Variants in ACVR1C observed in about 807,000 individuals in gnomAD.
The protein encoded by ACVR1C is activin receptor type-1C.
Under a neutral mutation model 57.9 loss-of-function variants are expected in ACVR1C, and 23 were observed. The observed-to-expected ratio is 0.40, with a 90% CI of 0.29 to 0.56. ACVR1C has a LOEUF of 0.56. ACVR1C is among the 20% of genes least tolerant of loss of function. The pLI, the probability that ACVR1C is intolerant of heterozygous loss-of-function variation, is 0.50. For missense variants in ACVR1C, 480 were observed against 607.9 expected, an observed-to-expected ratio of 0.79 and a Z score of 2.21; for synonymous variants, 214 against 215.3, an observed-to-expected ratio of 0.99 and a Z score of 0.05.
At chr2:157,542,905 AG>A in intron 5 of ACVR1C, 43 bp from the exon 6 acceptor site, 1 of 1,578,786 alleles carries the variant, frequency 6.3e-7, no homozygotes, top group South Asian at 1.2e-5. Context: ...TCTTTACCGG[AG>A]ACTGTTCAAG....
At chr2:157,550,042 A>G in intron 4 of ACVR1C, 120 bp downstream of exon 4, 1 of 855,360 alleles carries the variant, frequency 1.2e-6, no homozygotes, top group Non-Finnish European at 1.7e-6. Flanking sequence ...AGGAAAAAAA[A>G]AAAAAGAAGA....
Position 157,538,597 on chromosome 2 carries a change from G to A in ACVR1C, c.1332C>T (p.Ile444=). Residue 444 remains isoleucine (I), a synonymous_variant, in exon 8 of 9, where the codon ATC becomes ATT. Coordinates refer to ENST00000243349, the MANE Select transcript of ACVR1C (RefSeq NM_145259.3). ...CTTCACAACTTTGCCACTGGTTTGGGATACTTGGTCGAAACTTCTGGTCAC... is the reference window on the plus strand; with the variant it reads ...CTTCACAACTTTGCCACTGGTTTGGAATACTTGGTCGAAACTTCTGGTCAC... ...VVCDQKFRPS[I]PNQWQSCEAL... The A allele has an allele frequency of 6.3e-7, 1 of 1,577,734 alleles. No individual in the cohort carries two copies. The highest frequency in any genetic ancestry group is 8.6e-7 in the Non-Finnish European group (1 of 1,162,950).
At chr2:157,534,740 A>G (rs1238973729) in intron 8 of ACVR1C, among the ~76,000 whole-genome samples, 1 of 152,174 alleles carries the variant, frequency 6.6e-6, no homozygotes, top group Non-Finnish European at 1.5e-5. Context: ...CCAGAGAAAT[A>G]CAGGAAAACG....
In ACVR1C at chr2:157,533,618, A is replaced by G. The variant is rs538825166; in HGVS notation, c.*300T>C. ...CAAGTAAAATAAAAACTTAATGACT[A>G]TAACATTTTTATAGAGCTTATTTTA... On this transcript the variant is annotated 3_prime_UTR_variant, in exon 9 of 9. Coordinates refer to ENST00000243349, the MANE Select transcript of ACVR1C (RefSeq NM_145259.3). 49 of 171,644 alleles carry G rather than the reference A, an allele frequency of 2.9e-4. No homozygotes were observed. Among genetic ancestry groups the G allele is most frequent in the Non-Finnish European group, 5.4e-4 (44 of 81,080 alleles). The allele number at this position is 171,644 out of a possible 1,614,324, so 10.6% of individuals were successfully genotyped here.
rs1687306524 is a variant in ACVR1C, at chr2:157,529,353, C to T, written c.*4565G>A. 1 of 152,082 alleles carries T rather than the reference C, an allele frequency of 6.6e-6. No individual in the cohort carries two copies. The highest frequency in any genetic ancestry group is 1.9e-4 in the East Asian group (1 of 5,200). The allele number at this position is 152,082 out of a possible 1,614,324, so 9.4% of individuals were successfully genotyped here. A position where few individuals can be genotyped will look rare whatever the true frequency, so the allele number is the denominator to read the frequency against. On this transcript the variant is annotated 3_prime_UTR_variant, in exon 9 of 9. Transcript: ENST00000243349. ...TCTTTCTTAGCCTAGTTTAGTTTTT[C>T]TCATTGACCTCACTCTGAGTGAGTA...
At chr2:157,547,530 T>C (rs1193236045) in intron 4 of ACVR1C, among the ~76,000 whole-genome samples, 20 of 141,824 alleles carry the variant, frequency 1.4e-4, no homozygotes, top group African/African-American at 5.3e-4. Flanking sequence ...TGAGATGGTA[T>C]CTCATTGTGG....
At chr2:157,600,899 C>T (rs1239280121) in intron 1 of ACVR1C, among the ~76,000 whole-genome samples, 1 of 152,170 alleles carries the variant, frequency 6.6e-6, no homozygotes, top group Non-Finnish European at 1.5e-5. Flanking sequence ...GCATCACCTA[C>T]CCCTCCCTTC....
chr2:157,581,755 T>A (rs2105251381), intron 2 of ACVR1C, among the ~76,000 whole-genome samples: 1 of 152,344 alleles, frequency 6.6e-6, no homozygotes, highest in South Asian at 2.1e-4. Context: ...TTGTCCGGCC[T>A]CTTCTGGTCA....
At chr2:157,564,215 A>G (rs1039346434) in intron 2 of ACVR1C, among the ~76,000 whole-genome samples, 3 of 152,236 alleles carry the variant, frequency 2.0e-5, no homozygotes, top group African/African-American at 7.2e-5. Context: ...CAATCTACCC[A>G]TTAGACAAAG....
rs549035489 is a variant in ACVR1C, at chr2:157,551,090, AT to A, written c.545-699del. On this transcript the variant is annotated intron_variant, in intron 3 of 8. Coordinates refer to ENST00000243349, the MANE Select transcript of ACVR1C (RefSeq NM_145259.3). ...TTTATGTCAAGATGTTTAATATCTT[AT>A]TATTATTTATAGGAATAAAATAAGT... Among the ~76,000 whole-genome samples, 35 of 152,324 alleles carry A rather than the reference AT, an allele frequency of 2.3e-4. 1 individual carries two copies. The South Asian group carries it at 6.2e-3, about 27-fold the overall frequency.
chr2:157,600,755 A>G (rs1334051577), intron 1 of ACVR1C, among the ~76,000 whole-genome samples: 1 of 152,246 alleles, frequency 6.6e-6, no homozygotes, highest in East Asian at 1.9e-4. Context: ...GAGAAGGACA[A>G]GTGATTTGGA....
At chr2:157,538,805 A>G in intron 7 of ACVR1C, 102 bp from the exon 8 acceptor site, 1 of 965,204 alleles carries the variant, frequency 1.0e-6, no homozygotes, top group Non-Finnish European at 1.4e-6. Context: ...GTGACACCCC[A>G]GGGAACTGGA....
chr2:157,624,769 T>C (rs1682864119), intron 1 of ACVR1C, among the ~76,000 whole-genome samples: 1 of 152,260 alleles, frequency 6.6e-6, no homozygotes, highest in Non-Finnish European at 1.5e-5. Context: ...CTTCTCTTTT[T>C]AATAAAAGAG....
intron 8 of ACVR1C, among the ~76,000 whole-genome samples, chr2:157,535,322 G>A (rs887414378): frequency 1.3e-5 from 2 of 151,846 alleles, no homozygotes; most frequent in Non-Finnish European, 2.9e-5. Flanking sequence ...AGCTCATAAT[G>A]AAAATTCACA....
intron 1 of ACVR1C, among the ~76,000 whole-genome samples, chr2:157,607,123 A>G (rs1045312160): frequency 1.3e-5 from 2 of 151,938 alleles, no homozygotes; most frequent in Non-Finnish European, 2.9e-5. Flanking sequence ...AGTTGGCTGT[A>G]AATACGTAGA....
intron 3 of ACVR1C, among the ~76,000 whole-genome samples, chr2:157,554,283 G>GGAAGGAAGGAAGGAAGGA (rs1339528061): frequency 5.5e-5 from 6 of 109,932 alleles, no homozygotes; most frequent in African/African-American, 2.8e-4. Context: ...AAGGAAGGAA[G>GGAAGGAAGGAAGGAAGGA]AGAGAGAGAG....
In ACVR1C at chr2:157,599,978, A is replaced by G. The variant is rs542477528; in HGVS notation, c.74-12561T>C. ...GTTCAACTGATCTGTTTAAGAAAGAATTCAATTAGATGATCTCTAATGTGC... is the reference window on the plus strand; with the variant it reads ...GTTCAACTGATCTGTTTAAGAAAGAGTTCAATTAGATGATCTCTAATGTGC... On this transcript the variant is annotated intron_variant, in intron 1 of 8. Coordinates refer to ENST00000243349, the MANE Select transcript of ACVR1C (RefSeq NM_145259.3). Among the ~76,000 whole-genome samples, 3 of 152,338 alleles carry G rather than the reference A, an allele frequency of 2.0e-5. No individual in the cohort carries two copies. The South Asian group carries it at 6.2e-4, about 32-fold the overall frequency.
chr2:157,562,413 T>C (rs1161094482), intron 2 of ACVR1C, among the ~76,000 whole-genome samples: 1 of 143,500 alleles, frequency 7.0e-6, no homozygotes, highest in Non-Finnish European at 1.5e-5. Flanking sequence ...AATAGACCAA[T>C]AACAAGTTGT....
intron 2 of ACVR1C, among the ~76,000 whole-genome samples, chr2:157,580,153 A>T (rs1688755864): frequency 6.6e-6 from 1 of 152,116 alleles, no homozygotes. Flanking sequence ...TTTTCCAGTC[A>T]TATATACTAC....
Sources: gnomAD v4.1 joint callset for allele counts (sites outside exome capture counted in the v4.1 genomes callset) on GRCh38, gnomAD v4.1.1 for gene constraint, MANE v1.5 for transcripts, NCBI Gene and HGNC (gene_info 2026-07-23, HGNC 2026-07-21) for gene names.